The following KRT80 variants were observed in gnomAD, a reference collection of about 807,000 sequenced individuals.
The protein encoded by KRT80 is keratin 80.
A neutral mutation model predicts 51.5 loss-of-function variants in KRT80; 36 were observed. That is an observed-to-expected ratio of 0.70 (90% CI 0.54 to 0.92). The LOEUF is 0.92. KRT80 is among the 40% of genes least tolerant of loss of function. KRT80 has a pLI of 0.00. For missense variants in KRT80, 566 were observed against 591.7 expected, an observed-to-expected ratio of 0.96 and a Z score of 0.45; for synonymous variants, 235 against 248.3, an observed-to-expected ratio of 0.95 and a Z score of 0.50.
At chr12:52,190,540 G>A (rs1941464411) in intron 1 of KRT80, among the ~76,000 whole-genome samples, 1 of 152,248 alleles carries the variant, frequency 6.6e-6, no homozygotes, top group South Asian at 2.1e-4. Flanking sequence ...CACAGAATCA[G>A]AGGCCAAGAG....
In KRT80 at chr12:52,191,796, G is replaced by GC; in HGVS notation, c.106dup (p.Ala36GlyfsTer57). 6.2e-7 allele frequency: 1 copy of GC among 1,609,150 alleles called. No homozygotes were observed. Among genetic ancestry groups the GC allele is most frequent in the East Asian group, 2.2e-5 (1 of 44,810 alleles). The stretch of plus-strand genomic sequence containing the variant: ...GCGGGAGCTGAAGCCCGGCCCGGGG[G>GC]CCCTGCAGCTGTCCCATCCTGAGGT... On this transcript the variant is annotated frameshift_variant, in exon 1 of 9. Coordinates refer to ENST00000394815, the MANE Select transcript of KRT80 (RefSeq NM_182507.3). LOFTEE classifies it high-confidence loss of function.
At chr12:52,185,615 G>A (rs1271675622) in intron 1 of KRT80, 28 bp from the exon 2 acceptor site, 1 of 1,597,746 alleles carries the variant, frequency 6.3e-7, no homozygotes, top group Admixed American at 1.7e-5. Context: ...CGGCGAATGG[G>A]TCAGGTGTGG....
At chr12:52,180,788 G>A (rs1284517818) in intron 3 of KRT80, 115 bp downstream of exon 3, 2 of 1,591,632 alleles carry the variant, frequency 1.3e-6, no homozygotes, top group Middle Eastern at 1.7e-4. Context: ...TGTTGGTCCT[G>A]GGACTTAAGC....
At chr12:52,182,356 A>C (rs1331498894) in intron 2 of KRT80, among the ~76,000 whole-genome samples, 1 of 152,106 alleles carries the variant, frequency 6.6e-6, no homozygotes, top group East Asian at 1.9e-4. Context: ...CAGATGAGGA[A>C]ATGGAGGCTC....
intron 6 of KRT80, 31 bp from the exon 7 acceptor site, chr12:52,172,449 T>C: frequency 6.3e-7 from 1 of 1,586,950 alleles, no homozygotes; most frequent in Non-Finnish European, 8.6e-7. Flanking sequence ...TGAAAGGGCC[T>C]GTGAGCAGGG....
intron 1 of KRT80, among the ~76,000 whole-genome samples, chr12:52,190,673 G>A (rs1941465863): frequency 6.6e-6 from 1 of 152,222 alleles, no homozygotes; most frequent in Non-Finnish European, 1.5e-5. Flanking sequence ...AGGTTGTTGA[G>A]AGAAATACAG....
intron 2 of KRT80, among the ~76,000 whole-genome samples, chr12:52,181,728 C>T (rs375924201): frequency 6.6e-5 from 10 of 152,126 alleles, no homozygotes; most frequent in East Asian, 3.9e-4. Flanking sequence ...ACAAGGACAC[C>T]GTTGGGTGGG....
At chr12:52,185,874 T>G (rs1592366059) in intron 1 of KRT80, 1 of 476,660 alleles carries the variant, frequency 2.1e-6, no homozygotes, top group Non-Finnish European at 3.8e-6. Context: ...GGTGTGAGAG[T>G]GCCAAGCATG....
intron 1 of KRT80, among the ~76,000 whole-genome samples, chr12:52,191,249 G>T (rs553048448): frequency 6.6e-6 from 1 of 152,182 alleles, no homozygotes; most frequent in Non-Finnish European, 1.5e-5. Flanking sequence ...GAGTAGGACC[G>T]CAGAGCATGC....
At chr12:52,188,477 G>A (rs1941437997) in intron 1 of KRT80, among the ~76,000 whole-genome samples, 1 of 152,232 alleles carries the variant, frequency 6.6e-6, no homozygotes, top group Admixed American at 6.5e-5. Context: ...TTACAGGGGA[G>A]TGCCTCTGGG....
chr12:52,175,008 G>T (rs1941195258), intron 4 of KRT80, among the ~76,000 whole-genome samples: 1 of 152,120 alleles, frequency 6.6e-6, no homozygotes, highest in South Asian at 2.1e-4. Context: ...GCAGGAGGTG[G>T]GTGTTGGGTG....
intron 5 of KRT80, among the ~76,000 whole-genome samples, chr12:52,173,386 T>C (rs1941154067): frequency 6.6e-6 from 1 of 152,096 alleles, no homozygotes; most frequent in Non-Finnish European, 1.5e-5. Context: ...TGGCCTAGCA[T>C]TGCTGATAAC....
chr12:52,171,669 C>A lies in KRT80; in HGVS notation c.1223G>T (p.Arg408Met). The A allele has an allele frequency of 2.2e-6, 3 of 1,385,244 alleles. No individual in the cohort carries two copies. The South Asian group carries it at 3.6e-5, about 16-fold the overall frequency. 85.8% of individuals were successfully genotyped at this position (1,385,244 alleles called of 1,614,324 possible). Residue 408 changes from arginine to methionine, a missense_variant, in exon 8 of 9, where the codon AGG becomes ATG. Arg to Met is a moderately conservative substitution (Grantham distance 91). Transcript: ENST00000394815. ...GCAAGAGGACTCACCGGTTTTGCAC[C>A]TGGACTGCACAGCGCTGACCACAGT... ...SATVVSAVQS[R>M]CKTAASRSGL... is the part of the protein sequence containing the mutation.
chr12:52,173,611 A>G lies in KRT80; in HGVS notation c.820T>C (p.Ser274Pro). ...ARSLEEAEAY[S>P]RSQLEEQAAR... Reference sequence around the variant, plus strand: ...GTGGTCAGCCCCACCTGGCTCCGAGAGTATGCCTCGGCCTCCTCCAGGCTG... The same window carrying G: ...GTGGTCAGCCCCACCTGGCTCCGAGGGTATGCCTCGGCCTCCTCCAGGCTG... Residue 274 changes from serine to proline, a missense_variant, in exon 5 of 9, where the codon TCT becomes CCT. Coordinates refer to ENST00000394815, the MANE Select transcript of KRT80 (RefSeq NM_182507.3). The G allele has an allele frequency of 1.2e-6, 2 of 1,612,468 alleles. No homozygotes were observed. The highest frequency in any genetic ancestry group is 1.7e-6 in the Non-Finnish European group (2 of 1,179,942).
In KRT80 at chr12:52,191,585, C is replaced by A. The variant is rs566490263; in HGVS notation, c.300+18G>T. 49 of 1,545,326 alleles carry A rather than the reference C, an allele frequency of 3.2e-5. No individual in the cohort carries two copies. Among genetic ancestry groups the A allele is most frequent in the African/African-American group, 1.8e-4 (13 of 72,874 alleles). On this transcript the variant is annotated intron_variant, in intron 1 of 8. Transcript: ENST00000394815. ...GCCTGGCAGCCCTTCATGTTTGGGA[C>A]CCCCTACTTGTGCTCACCTTGCCAA...
chr12:52,185,343 A>C (rs780514938), intron 2 of KRT80, 36 bp downstream of exon 2: 1 of 1,575,014 alleles, frequency 6.3e-7, no homozygotes, highest in East Asian at 2.3e-5. Flanking sequence ...CCCAGCCCTC[A>C]GGCCTTGCTC....
chr12:52,178,658 T>G (rs1299163437), intron 4 of KRT80, among the ~76,000 whole-genome samples: 1 of 152,236 alleles, frequency 6.6e-6, no homozygotes. Context: ...TTGTCTCAGC[T>G]AAGTCATGCC....
chr12:52,182,547 TGCAGCGGGGGACA>T (rs1941341682), intron 2 of KRT80, among the ~76,000 whole-genome samples: 1 of 152,196 alleles, frequency 6.6e-6, no homozygotes, highest in Non-Finnish European at 1.5e-5. Flanking sequence ...ACAGAGTGCT[TGCAGCGGGGGACA>T]GCACCTGCTG....
At chr12:52,190,462 A>G (rs559272820) in intron 1 of KRT80, among the ~76,000 whole-genome samples, 4 of 152,224 alleles carry the variant, frequency 2.6e-5, no homozygotes, top group Non-Finnish European at 5.9e-5. Context: ...AATGCATGTT[A>G]CTTTCTTCCC....
Sources: gnomAD v4.1 joint callset for allele counts (sites outside exome capture counted in the v4.1 genomes callset) on GRCh38, gnomAD v4.1.1 for gene constraint, MANE v1.5 for transcripts, NCBI Gene and HGNC (gene_info 2026-07-23, HGNC 2026-07-21) for gene names.